RORA: variants seen among roughly 807,000 people sequenced by gnomAD.
The protein encoded by RORA is nuclear receptor ROR-alpha.
A neutral mutation model predicts 69.5 loss-of-function variants in RORA; 7 were observed. The observed-to-expected ratio is 0.10, with a 90% CI of 0.06 to 0.19. The LOEUF is 0.19. RORA is among the 10% of genes least tolerant of loss of function. The pLI is 1.00. For synonymous variants in RORA, 261 were observed against 240.8 expected, an observed-to-expected ratio of 1.08 and a Z score of -0.78; for missense variants, 457 against 663.0, an observed-to-expected ratio of 0.69 and a Z score of 3.41.
chr15:60,868,089 C>T (rs1383110872), intron 1 of RORA, among the ~76,000 whole-genome samples: 1 of 152,104 alleles, frequency 6.6e-6, no homozygotes, highest in African/African-American at 2.4e-5. Context: ...ACAAATAACA[C>T]CCATAATTTG....
At chr15:60,858,205 T>A (rs2073400917) in intron 1 of RORA, among the ~76,000 whole-genome samples, 1 of 152,156 alleles carries the variant, frequency 6.6e-6, no homozygotes, top group African/African-American at 2.4e-5. Context: ...TTTCCCTGGG[T>A]CTCAGTTCTT....
At chr15:60,716,754 C>T (rs2071224663) in intron 1 of RORA, among the ~76,000 whole-genome samples, 1 of 152,110 alleles carries the variant, frequency 6.6e-6, no homozygotes, top group Non-Finnish European at 1.5e-5. Flanking sequence ...AGAGATAATG[C>T]TGATATCATG....
rs949386365 is a variant in RORA at position 60,531,917 on chromosome 15, G to C, written c.197-66C>G. ...TAAACACCTTATAAAAGCGTTCCCTGATCAGCATTTGTATAGTGAAAACTA... is the reference window on the plus strand; with the variant it reads ...TAAACACCTTATAAAAGCGTTCCCTCATCAGCATTTGTATAGTGAAAACTA... On this transcript the variant is annotated intron_variant, in intron 2 of 10. Coordinates refer to ENST00000335670, the MANE Select transcript of RORA (RefSeq NM_134261.3). This position sits in a 1 kb window ranked among gnomAD's most constrained non-coding sequence, Gnocchi z 4.8. 2 of 911,864 alleles carry C rather than the reference G, an allele frequency of 2.2e-6. No homozygotes were observed. Among genetic ancestry groups the C allele is most frequent in the Non-Finnish European group, 3.5e-6 (2 of 574,766 alleles). The allele number at this position is 911,864 out of a possible 1,614,324, so 56.5% of individuals were successfully genotyped here.
chr15:60,519,291 T>C (rs762777235), intron 3 of RORA, among the ~76,000 whole-genome samples: 3 of 152,100 alleles, frequency 2.0e-5, no homozygotes, highest in Non-Finnish European at 4.4e-5. Context: ...CTCTATGCTT[T>C]ATGTGGATTG....
intron 2 of RORA, among the ~76,000 whole-genome samples, chr15:60,648,812 G>C (rs1337196558): frequency 1.3e-5 from 2 of 152,166 alleles, no homozygotes. Flanking sequence ...CTTTTTGAGG[G>C]GGGAGAGGGA....
chr15:61,079,915 TA>T (rs1420840707), intron 1 of RORA, among the ~76,000 whole-genome samples: 22 of 152,226 alleles, frequency 1.4e-4, no homozygotes, highest in African/African-American at 4.6e-4. Context: ...CTTAAGCTCT[TA>T]AGGGCTCAGT....
intron 5 of RORA, among the ~76,000 whole-genome samples, chr15:60,510,729 T>A (rs933686209): frequency 1.3e-5 from 2 of 152,236 alleles, no homozygotes; most frequent in Admixed American, 6.5e-5. Flanking sequence ...AGATCATTTT[T>A]TCCCCTCCCA....
At chr15:60,860,523 G>A (rs1176651904) in intron 1 of RORA, among the ~76,000 whole-genome samples, 2 of 152,144 alleles carry the variant, frequency 1.3e-5, no homozygotes, top group Non-Finnish European at 2.9e-5. Flanking sequence ...TGAATTCTTG[G>A]CTAGACTATG....
intron 1 of RORA, among the ~76,000 whole-genome samples, chr15:60,826,438 G>A (rs1403964167): frequency 6.6e-6 from 1 of 152,158 alleles, no homozygotes; most frequent in East Asian, 1.9e-4. Flanking sequence ...ACTTCCCTTA[G>A]CTCAGAGAGG....
intron 1 of RORA, among the ~76,000 whole-genome samples, chr15:60,715,369 ATCT>A (rs1262829874): frequency 1.3e-5 from 2 of 152,216 alleles, no homozygotes; most frequent in Non-Finnish European, 1.5e-5. Flanking sequence ...GCTGTAAAAC[ATCT>A]TCTTCCTTTG....
intron 1 of RORA, among the ~76,000 whole-genome samples, chr15:60,683,647 T>TACACACACACACACACACACACACACAC (rs59854874): frequency 1.3e-4 from 20 of 148,624 alleles, no homozygotes; most frequent in African/African-American, 4.5e-4. Context: ...CAGATACACA[T>TACACACACACACACACACACACACACAC]ACACACACAC....
chr15:61,075,625 T>A (rs1025092912), intron 1 of RORA, among the ~76,000 whole-genome samples: 2 of 152,274 alleles, frequency 1.3e-5, no homozygotes, highest in Admixed American at 1.3e-4. Context: ...GCAGGTATAA[T>A]TATCTCAGTT....
intron 2 of RORA, among the ~76,000 whole-genome samples, chr15:60,550,536 C>T (rs966897327): frequency 6.6e-6 from 1 of 152,132 alleles, no homozygotes; most frequent in Non-Finnish European, 1.5e-5. Flanking sequence ...AAAGTGTTAC[C>T]AGTTTTCAAT....
intron 1 of RORA, among the ~76,000 whole-genome samples, chr15:61,065,360 C>T (rs1263537277): frequency 6.6e-6 from 1 of 152,192 alleles, no homozygotes; most frequent in Non-Finnish European, 1.5e-5. Flanking sequence ...AGTTAAACTG[C>T]CATTTTCCCA....
rs548628919 is a variant in RORA, at chr15:60,775,804, C to G, written c.167-97118G>C. 3.3e-5 allele frequency among the ~76,000 whole-genome samples: 5 copies of G among 152,298 alleles called. No homozygotes were observed. In the South Asian group the frequency reaches 1.0e-3, roughly 32 times the overall value. The stretch of plus-strand genomic sequence containing the variant: ...ATGAATATGCTTATGGGACATCAAA[C>G]CTCTTTAGGTTTAAAATTACTGACA... On this transcript the variant is annotated intron_variant, in intron 1 of 10. Coordinates refer to ENST00000335670, the MANE Select transcript of RORA (RefSeq NM_134261.3).
At chr15:60,730,052 G>A (rs1198126641) in intron 1 of RORA, among the ~76,000 whole-genome samples, 1 of 152,110 alleles carries the variant, frequency 6.6e-6, no homozygotes, top group Non-Finnish European at 1.5e-5. Flanking sequence ...ATAAAACCAT[G>A]AACAAGAGTA....
At chr15:60,542,791 C>T (rs2066934953) in intron 2 of RORA, among the ~76,000 whole-genome samples, 1 of 151,884 alleles carries the variant, frequency 6.6e-6, no homozygotes, top group African/African-American at 2.4e-5. Flanking sequence ...GCAAGTCCTG[C>T]CTCCACTTGC....
At chr15:60,615,127 G>C in intron 2 of RORA, 2 of 1,440,622 alleles carry the variant, frequency 1.4e-6, no homozygotes, top group Non-Finnish European at 1.9e-6. Flanking sequence ...AGCCACCCAA[G>C]TCCTAATGCT....
At chr15:60,606,644 A>G (rs1008337098) in intron 2 of RORA, among the ~76,000 whole-genome samples, 1 of 152,218 alleles carries the variant, frequency 6.6e-6, no homozygotes, top group African/African-American at 2.4e-5. Flanking sequence ...TGAAAAAGAT[A>G]GTTAAAAGGA....
Sources: gnomAD v4.1 joint callset for allele counts (sites outside exome capture counted in the v4.1 genomes callset) on GRCh38, gnomAD v4.1.1 for gene constraint, Gnocchi (gnomAD v3.1) non-coding constraint, MANE v1.5 for transcripts, NCBI Gene and HGNC (gene_info 2026-07-23, HGNC 2026-07-21) for gene names.